CACNA1C: variants seen among roughly 807,000 people sequenced by gnomAD.
CACNA1C encodes calcium voltage-gated channel subunit alpha1 C.
Under a neutral mutation model 229.0 loss-of-function variants are expected in CACNA1C, and 30 were observed. The ratio of observed to expected loss-of-function variants is 0.13; its 90% CI spans 0.10 to 0.18. CACNA1C has a LOEUF of 0.18. Ranked by LOEUF, CACNA1C falls within the 10% of genes least tolerant of loss-of-function variation. CACNA1C has a pLI of 1.00. For missense variants in CACNA1C, 1,658 were observed against 2,845.0 expected, an observed-to-expected ratio of 0.58 and a Z score of 9.49; for synonymous variants, 1,114 against 1,132.5, an observed-to-expected ratio of 0.98 and a Z score of 0.33.
intron 5 of CACNA1C, among the ~76,000 whole-genome samples, chr12:2,468,590 C>T (rs1188829661): frequency 2.0e-5 from 3 of 152,212 alleles, no homozygotes; most frequent in Non-Finnish European, 4.4e-5. Context: ...CGAGGGGAAT[C>T]ACATTGCTTC....
chr12:2,577,163 GACAAACAGC>G (rs2154594350), intron 13 of CACNA1C, among the ~76,000 whole-genome samples: 1 of 152,310 alleles, frequency 6.6e-6, no homozygotes, highest in African/African-American at 2.4e-5. Flanking sequence ...GTAGGCTGAA[GACAAACAGC>G]ACAAACAACC....
intron 1 of CACNA1C, among the ~76,000 whole-genome samples, chr12:2,104,739 G>A (rs2077561344): frequency 6.6e-6 from 1 of 152,156 alleles, no homozygotes; most frequent in Non-Finnish European, 1.5e-5. Flanking sequence ...TTCAATAAAT[G>A]TGAATTAATC....
chr12:2,041,270 CTTTTTT>C (rs58922699), intron 1 of CACNA1C, among the ~76,000 whole-genome samples: 1 of 91,008 alleles, frequency 1.1e-5, no homozygotes, highest in African/African-American at 4.2e-5. Flanking sequence ...TAAGGGTATT[CTTTTTT>C]TTTTTTTTTT....
At position 2,067,850 on chromosome 12, in the gene CACNA1C, T is replaced by C. The variant is rs1237901297; in HGVS notation, c.49+14239T>C. ...CTTACCTTCACACTGTTCCCACCCCTGTCTTTCCATGCCCTTCCATCCAAA... is the reference window on the plus strand; with the variant it reads ...CTTACCTTCACACTGTTCCCACCCCCGTCTTTCCATGCCCTTCCATCCAAA... On this transcript the variant is annotated intron_variant, in intron 1 of 46. Coordinates refer to ENST00000399655, the MANE Select transcript of CACNA1C (RefSeq NM_000719.7). This position sits in a 1 kb window ranked among gnomAD's most constrained non-coding sequence, Gnocchi z 5.3. Among the ~76,000 whole-genome samples, 1 of 152,190 alleles carries C rather than the reference T, an allele frequency of 6.6e-6. No homozygotes were observed. Among genetic ancestry groups the C allele is most frequent in the Non-Finnish European group, 1.5e-5 (1 of 68,026 alleles).
At chr12:2,227,978 T>C (rs1344134143) in intron 3 of CACNA1C, among the ~76,000 whole-genome samples, 1 of 152,214 alleles carries the variant, frequency 6.6e-6, no homozygotes. Flanking sequence ...TGATGCAGTC[T>C]CTTCCCAGGT....
At chr12:2,659,732 A>G (rs2095607874) in intron 34 of CACNA1C, among the ~76,000 whole-genome samples, 1 of 152,214 alleles carries the variant, frequency 6.6e-6, no homozygotes, top group Non-Finnish European at 1.5e-5. Flanking sequence ...TAAAATATGG[A>G]TTTTATCAAT....
At chr12:2,095,961 C>G (rs992338782) in intron 1 of CACNA1C, among the ~76,000 whole-genome samples, 7 of 152,164 alleles carry the variant, frequency 4.6e-5, no homozygotes, top group African/African-American at 1.7e-4. Context: ...TTGAAATCAG[C>G]ATTCCTTCAG....
At chr12:2,623,278 G>A (rs2084370255) in intron 29 of CACNA1C, among the ~76,000 whole-genome samples, 1 of 151,948 alleles carries the variant, frequency 6.6e-6, no homozygotes, top group Non-Finnish European at 1.5e-5. Context: ...CCCTGCCGTA[G>A]CCTCTCTGGG....
chr12:2,008,121 A>AT (rs1435431301), intron 1 of CACNA1C, among the ~76,000 whole-genome samples: 52 of 151,958 alleles, frequency 3.4e-4, no homozygotes, highest in African/African-American at 1.2e-3. Flanking sequence ...TTATTTATTT[A>AT]TTTATTTATT....
At chr12:2,652,463 C>T (rs1331647955) in intron 32 of CACNA1C, among the ~76,000 whole-genome samples, 4 of 152,218 alleles carry the variant, frequency 2.6e-5, no homozygotes, top group Admixed American at 6.5e-5. Flanking sequence ...AGCGCAGAAC[C>T]CGTGAAGGCG....
At chr12:2,359,566 A>G (rs2097498097) in intron 3 of CACNA1C, among the ~76,000 whole-genome samples, 1 of 151,164 alleles carries the variant, frequency 6.6e-6, no homozygotes, top group Admixed American at 6.6e-5. Context: ...AAATCTCACA[A>G]GACACAAACT....
At chr12:2,044,490 G>A (rs2050738541) in intron 1 of CACNA1C, among the ~76,000 whole-genome samples, 1 of 152,150 alleles carries the variant, frequency 6.6e-6, no homozygotes, top group South Asian at 2.1e-4. Flanking sequence ...CCGCCCCCAG[G>A]TACTTGGAAA....
At chr12:2,637,348 C>T (rs897338677) in intron 30 of CACNA1C, among the ~76,000 whole-genome samples, 1 of 152,232 alleles carries the variant, frequency 6.6e-6, no homozygotes, top group African/African-American at 2.4e-5. Context: ...AAAGTTACTG[C>T]TGGTGTCACT....
At chr12:2,253,752 A>C (rs533072460) in intron 3 of CACNA1C, among the ~76,000 whole-genome samples, 1 of 152,350 alleles carries the variant, frequency 6.6e-6, no homozygotes, top group African/African-American at 2.4e-5. Context: ...TACATTGTTT[A>C]AGTAGCGCTT....
chr12:2,059,746 A>T (rs894226255), intron 1 of CACNA1C, among the ~76,000 whole-genome samples: 1 of 152,164 alleles, frequency 6.6e-6, no homozygotes, highest in African/African-American at 2.4e-5. Flanking sequence ...CCTCATTTCC[A>T]GTTGAGAAAA....
At chr12:2,384,652 G>A (rs2098336311) in intron 3 of CACNA1C, among the ~76,000 whole-genome samples, 1 of 152,174 alleles carries the variant, frequency 6.6e-6, no homozygotes, top group Admixed American at 6.5e-5. Context: ...GAAAGGGAAG[G>A]GAGGTGGAGG....
chr12:2,449,686 G>C (rs371961433), intron 4 of CACNA1C, among the ~76,000 whole-genome samples: 3 of 152,242 alleles, frequency 2.0e-5, no homozygotes, highest in African/African-American at 4.8e-5. Context: ...ACACACGGTT[G>C]GACCTGAGTG....
intron 3 of CACNA1C, among the ~76,000 whole-genome samples, chr12:2,170,786 A>G (rs899185590): frequency 1.3e-5 from 2 of 152,244 alleles, no homozygotes; most frequent in Non-Finnish European, 2.9e-5. Flanking sequence ...ACGTTACCTC[A>G]GTACGTACCA....
At chr12:2,530,967 C>T (rs142363058) in intron 9 of CACNA1C, among the ~76,000 whole-genome samples, 110 of 152,288 alleles carry the variant, frequency 7.2e-4, no homozygotes, top group African/African-American at 2.4e-3. Flanking sequence ...CAAGGGGTCC[C>T]GAGGACATTC....
Sources: gnomAD v4.1 joint callset for allele counts (sites outside exome capture counted in the v4.1 genomes callset) on GRCh38, gnomAD v4.1.1 for gene constraint, Gnocchi (gnomAD v3.1) non-coding constraint, MANE v1.5 for transcripts, NCBI Gene and HGNC (gene_info 2026-07-23, HGNC 2026-07-21) for gene names.